Variants in LTBP1 observed in about 807,000 individuals in gnomAD.
LTBP1 encodes the protein latent-transforming growth factor beta-binding protein 1.
LTBP1 carries 129 observed loss-of-function variants against 207.6 expected under a neutral mutation model. That is an observed-to-expected ratio of 0.62 (90% CI 0.54 to 0.72). The LOEUF (loss-of-function observed/expected upper bound fraction) is 0.72. Ranked by LOEUF, LTBP1 falls within the 30% of genes least tolerant of loss-of-function variation. LTBP1 has a pLI of 0.00. For missense variants in LTBP1, 2,281 were observed against 2,217.2 expected (o/e 1.03, Z -0.58); for synonymous variants, 963 against 833.7 (o/e 1.16, Z -2.67).
intron 3 of LTBP1, among the ~76,000 whole-genome samples, chr2:33,075,013 T>G (rs2078006211): frequency 6.6e-6 from 1 of 152,002 alleles, no homozygotes; most frequent in African/African-American, 2.4e-5. Flanking sequence ...ATCACACCAC[T>G]GCACTCCAGC....
chr2:33,016,446 A>G (rs1210753462), intron 2 of LTBP1, among the ~76,000 whole-genome samples: 1 of 152,158 alleles, frequency 6.6e-6, no homozygotes, highest in African/African-American at 2.4e-5. Flanking sequence ...TTGGCTGTAT[A>G]TTTCAGTCAC....
At chr2:33,368,895 A>G (rs2095032780) in intron 31 of LTBP1, among the ~76,000 whole-genome samples, 1 of 152,320 alleles carries the variant, frequency 6.6e-6, no homozygotes, top group East Asian at 1.9e-4. Flanking sequence ...AAATAAAATT[A>G]TACCCCCAAA....
At chr2:33,088,219 C>A (rs422798) in intron 3 of LTBP1, among the ~76,000 whole-genome samples, 1 of 152,180 alleles carries the variant, frequency 6.6e-6, no homozygotes, top group Non-Finnish European at 1.5e-5. Context: ...TTTGGGAGGC[C>A]AAGGCGGGTG....
intron 24 of LTBP1, among the ~76,000 whole-genome samples, chr2:33,326,640 A>AATTTATTTATTTATTTATTT (rs10529829): frequency 0.053 from 7,644 of 144,596 alleles, 249 homozygotes; most frequent in Middle Eastern, 0.076. Context: ...TGAGGGATAT[A>AATTTATTTATTTATTTATTT]ATTTATTTAT....
At chr2:33,126,221 T>C (rs548473370) in intron 4 of LTBP1, among the ~76,000 whole-genome samples, 1 of 152,232 alleles carries the variant, frequency 6.6e-6, no homozygotes, top group South Asian at 2.1e-4. Flanking sequence ...AAAGCATCAT[T>C]CCATTTTTTT....
At chr2:32,972,887 A>T (rs185774163) in intron 2 of LTBP1, among the ~76,000 whole-genome samples, 8 of 152,192 alleles carry the variant, frequency 5.3e-5, no homozygotes, top group Non-Finnish European at 8.8e-5. Context: ...CTTTGTTTAT[A>T]CGTTACCCAG....
chr2:33,007,933 T>C (rs74584332), intron 2 of LTBP1, among the ~76,000 whole-genome samples: 6,826 of 152,270 alleles, frequency 0.045, 515 homozygotes, highest in East Asian at 0.28. Flanking sequence ...AGCTAGTCAG[T>C]GTTGAGCTGG....
rs1050868759 is a variant in LTBP1, at chr2:33,243,354, G to C, written c.1877-308G>C. ...GTGAGAGTCTTTGCCTTACCTATAT[G>C]CTCCATAATGCCTAACATAAACTAA... On this transcript the variant is annotated intron_variant, in intron 9 of 33. Coordinates refer to ENST00000404816, the MANE Select transcript of LTBP1 (RefSeq NM_206943.4). 2.6e-5 allele frequency among the ~76,000 whole-genome samples: 4 copies of C among 152,256 alleles called. No homozygotes were observed. In the South Asian group the frequency reaches 8.3e-4, roughly 32 times the overall value.
intron 3 of LTBP1, among the ~76,000 whole-genome samples, chr2:33,028,099 A>G (rs2075517149): frequency 6.6e-6 from 1 of 152,176 alleles, no homozygotes; most frequent in African/African-American, 2.4e-5. Context: ...TGAGTTCGGA[A>G]GAAGAGTAGA....
At chr2:33,208,346 G>T (rs2090030587) in intron 7 of LTBP1, among the ~76,000 whole-genome samples, 1 of 152,150 alleles carries the variant, frequency 6.6e-6, no homozygotes, top group African/African-American at 2.4e-5. Context: ...CTGAGATCTT[G>T]CCTATTGATA....
chr2:33,191,660 T>C (rs896027605), intron 7 of LTBP1, among the ~76,000 whole-genome samples: 2 of 152,238 alleles, frequency 1.3e-5, no homozygotes, highest in African/African-American at 4.8e-5. Flanking sequence ...CTTGCTGTGG[T>C]TGGTTTGCAA....
intron 2 of LTBP1, among the ~76,000 whole-genome samples, chr2:33,016,747 G>A (rs1329622856): frequency 6.6e-6 from 1 of 152,196 alleles, no homozygotes; most frequent in Non-Finnish European, 1.5e-5. Context: ...GGCTGGCTGG[G>A]GGCAGTGGCT....
intron 3 of LTBP1, among the ~76,000 whole-genome samples, chr2:33,036,997 G>A (rs2075958594): frequency 6.6e-6 from 1 of 151,818 alleles, no homozygotes; most frequent in East Asian, 1.9e-4. Context: ...TTTATAAAAT[G>A]GGATCCATTT....
intron 2 of LTBP1, among the ~76,000 whole-genome samples, chr2:32,959,621 A>ATATATATATATTTTTTTTTT (rs1475834284): frequency 1.9e-4 from 7 of 36,664 alleles, no homozygotes; most frequent in Non-Finnish European, 3.0e-4. Context: ...ATATATATAT[A>ATATATATATATTTTTTTTTT]TTTTTTTTTT....
intron 24 of LTBP1, among the ~76,000 whole-genome samples, chr2:33,319,735 A>G (rs1157884251): frequency 6.6e-6 from 1 of 152,130 alleles, no homozygotes; most frequent in African/African-American, 2.4e-5. Context: ...TATCCTGTTC[A>G]CATGATACAG....
intron 26 of LTBP1, among the ~76,000 whole-genome samples, chr2:33,348,488 A>G (rs976664666): frequency 6.6e-6 from 1 of 152,206 alleles, no homozygotes; most frequent in African/African-American, 2.4e-5. Context: ...GACCACCACA[A>G]CAATACATAT....
At chr2:33,235,769 T>C (rs182254647) in intron 9 of LTBP1, among the ~76,000 whole-genome samples, 127 of 152,300 alleles carry the variant, frequency 8.3e-4, no homozygotes, top group African/African-American at 2.8e-3. Flanking sequence ...TGGCTGAAGC[T>C]GGAAACCATC....
intron 19 of LTBP1, chr2:33,291,504 T>A (rs1558957581): frequency 1.3e-5 from 2 of 152,360 alleles, no homozygotes. Flanking sequence ...TTGGCTCCAA[T>A]GCTTGGCTTC....
chr2:33,360,150 G>C (rs759514941), intron 26 of LTBP1, among the ~76,000 whole-genome samples: 1 of 152,190 alleles, frequency 6.6e-6, no homozygotes, highest in Non-Finnish European at 1.5e-5. Flanking sequence ...CTTCAGAAAA[G>C]ATTGGGAGCA....
Sources: allele counts gnomAD v4.1 joint callset (sites outside exome capture counted in the v4.1 genomes callset), GRCh38; gene constraint gnomAD v4.1.1; transcripts MANE v1.5; gene names NCBI Gene and HGNC (gene_info 2026-07-23, HGNC 2026-07-21).